SPSB1: variants seen among roughly 807,000 people sequenced by gnomAD.
SPSB1 encodes splA/ryanodine receptor domain and SOCS box containing 1, also known as SPRY domain-containing SOCS box protein 1.
SPSB1 carries 8 observed loss-of-function variants against 21.2 expected under a neutral mutation model. That is an observed-to-expected ratio of 0.38 (90% CI 0.22 to 0.68). The LOEUF (loss-of-function observed/expected upper bound fraction) is 0.68, where lower values mean the gene tolerates loss of function less well. Ranked by LOEUF, SPSB1 falls within the 30% of genes least tolerant of loss-of-function variation. The pLI is 0.53. For missense variants in SPSB1, 242 were observed against 377.8 expected (o/e 0.64, Z 2.98); for synonymous variants, 169 against 161.7 (o/e 1.05, Z -0.34).
intron 1 of SPSB1, among the ~76,000 whole-genome samples, chr1:9,320,435 C>G (rs540537655): frequency 6.6e-6 from 1 of 152,218 alleles, no homozygotes; most frequent in East Asian, 1.9e-4. Context: ...ATGGGGTGGC[C>G]CCATCTCCGC....
intron 1 of SPSB1, among the ~76,000 whole-genome samples, chr1:9,300,956 A>G (rs931677344): frequency 3.3e-5 from 5 of 152,220 alleles, no homozygotes; most frequent in African/African-American, 1.2e-4. Context: ...TGAAGGCACA[A>G]CCCGAAAGTG....
chr1:9,350,519 C>T (rs1388376062), intron 1 of SPSB1, among the ~76,000 whole-genome samples: 2 of 152,236 alleles, frequency 1.3e-5, no homozygotes, highest in Non-Finnish European at 2.9e-5. Flanking sequence ...CTCTGTCCTG[C>T]TTGTTAGTCT....
intron 1 of SPSB1, among the ~76,000 whole-genome samples, chr1:9,340,952 G>A (rs1468387932): frequency 6.6e-6 from 1 of 152,208 alleles, no homozygotes; most frequent in Non-Finnish European, 1.5e-5. Flanking sequence ...CAAAAGGCCA[G>A]TCCTGGGCTT....
At position 9,356,092 on chromosome 1, in the gene SPSB1, G is replaced by A. The variant is rs9435243; in HGVS notation, c.201G>A (p.Val67=). The change falls in exon 2 of 3, where the codon GTG becomes GTA. Residue 67 remains valine (V), a synonymous_variant. Coordinates refer to ENST00000328089, the MANE Select transcript of SPSB1 (RefSeq NM_025106.4). The surrounding 1 kb of genome is among the most constrained non-coding windows in gnomAD (Gnocchi z 7.4). ...ACGACCGATCGCTCAATGTCTTTGT[G>A]AAGGAGGACGACAAGCTCATCTTTC... The part of the protein sequence containing the change: ...NNNDRSLNVF[V]KEDDKLIFHR... 0.24 allele frequency: 386,246 copies of A among 1,608,818 alleles called. 48,245 individuals carry two copies. Among genetic ancestry groups the A allele is most frequent in the Admixed American group, 0.4 (23,794 of 59,718 alleles).
chr1:9,326,876 T>C (rs115560042), intron 1 of SPSB1, among the ~76,000 whole-genome samples: 92 of 152,338 alleles, frequency 6.0e-4, no homozygotes, highest in African/African-American at 2.0e-3. Context: ...CAGCAGGGTG[T>C]TTGCTGCCAA....
intron 1 of SPSB1, among the ~76,000 whole-genome samples, chr1:9,351,862 T>C (rs1268592602): frequency 2.6e-5 from 4 of 152,208 alleles, no homozygotes; most frequent in Non-Finnish European, 5.9e-5. Context: ...GTGACTCAGA[T>C]GGCAGAAGTG....
rs1386421117 is a variant in SPSB1, at chr1:9,324,028, C to T, written c.-150+30957C>T. 6.6e-6 allele frequency among the ~76,000 whole-genome samples: 1 copy of T among 152,220 alleles called. No homozygotes were observed. The highest frequency in any genetic ancestry group is 2.4e-5 in the African/African-American group (1 of 41,466). On this transcript the variant is annotated intron_variant, in intron 1 of 2. Coordinates refer to ENST00000328089, the MANE Select transcript of SPSB1 (RefSeq NM_025106.4). This position sits in a 1 kb window ranked among gnomAD's most constrained non-coding sequence, Gnocchi z 4.3. ...ACAGCTGTCCTTGATGGCCCAAACT[C>T]GGGCCGCAGAACCCCTCCTCAGGCC... is the stretch of plus-strand genomic sequence containing the variant.
intron 1 of SPSB1, among the ~76,000 whole-genome samples, chr1:9,306,227 C>T (rs568443919): frequency 3.9e-5 from 6 of 152,302 alleles, no homozygotes; most frequent in East Asian, 3.9e-4. Context: ...TCGGGTGTGC[C>T]GAGGGATGGC....
chr1:9,301,307 A>G (rs930841225), intron 1 of SPSB1, among the ~76,000 whole-genome samples: 1 of 152,172 alleles, frequency 6.6e-6, no homozygotes, highest in Non-Finnish European at 1.5e-5. Context: ...CCTGAGCAAC[A>G]TAGTGAGACT....
In SPSB1 at chr1:9,324,981, A is replaced by G. The variant is rs9308445; in HGVS notation, c.-149-30762A>G. Among the ~76,000 whole-genome samples the G allele has an allele frequency of 1.1e-4, 16 of 152,174 alleles. No homozygotes were observed. Among genetic ancestry groups the G allele is most frequent in the African/African-American group, 3.9e-4 (16 of 41,490 alleles). On this transcript the variant is annotated intron_variant, in intron 1 of 2. Transcript: ENST00000328089. This position sits in a 1 kb window ranked among gnomAD's most constrained non-coding sequence, Gnocchi z 4.3. ...GATCGGAGGCGCCTGTGAGCGGGTCAGTACTGGGTAGGCAGCCCCATTGGG... is the reference window on the plus strand; with the variant it reads ...GATCGGAGGCGCCTGTGAGCGGGTCGGTACTGGGTAGGCAGCCCCATTGGG...
At chr1:9,351,504 G>C (rs1569643990) in intron 1 of SPSB1, 1 of 152,356 alleles carries the variant, frequency 6.6e-6, no homozygotes, top group South Asian at 2.1e-4. Context: ...GCTTGGAGAA[G>C]CTCAGGGTGG....
chr1:9,306,533 G>A (rs191632230), intron 1 of SPSB1, among the ~76,000 whole-genome samples: 38 of 152,292 alleles, frequency 2.5e-4, no homozygotes, highest in Admixed American at 2.0e-3. Context: ...TCGTCATAAT[G>A]TCCGTGATAC....
chr1:9,295,059 C>A (rs1639194774), intron 1 of SPSB1, among the ~76,000 whole-genome samples: 1 of 152,204 alleles, frequency 6.6e-6, no homozygotes, highest in South Asian at 2.1e-4. Flanking sequence ...CTGTCCCCAG[C>A]ACTGAGGTCA....
intron 1 of SPSB1, among the ~76,000 whole-genome samples, chr1:9,325,221 C>CGCT (rs1639796380): frequency 3.6e-5 from 1 of 27,526 alleles, no homozygotes; most frequent in Admixed American, 4.0e-4. Context: ...TGCCTCCCAC[C>CGCT]ACCACCCCCC....
At chr1:9,349,016 C>T (rs149677145) in intron 1 of SPSB1, among the ~76,000 whole-genome samples, 5 of 152,142 alleles carry the variant, frequency 3.3e-5, no homozygotes, top group East Asian at 1.9e-4. Flanking sequence ...GGGTATTCCT[C>T]CCACTGGGAG....
chr1:9,329,432 G>A lies in SPSB1; in HGVS notation c.-149-26311G>A, dbSNP rs144162677. Among the ~76,000 whole-genome samples the A allele has an allele frequency of 3.4e-3, 523 of 152,190 alleles. 3 individuals carry two copies. The highest frequency in any genetic ancestry group is 0.012 in the African/African-American group (504 of 41,514). Reference sequence around the variant, plus strand: ...GTGGGTAGGTCAGGTGAGAGGATCCGAGGAAGGGAGTAGGGAAGAGAGCCT... The same window carrying A: ...GTGGGTAGGTCAGGTGAGAGGATCCAAGGAAGGGAGTAGGGAAGAGAGCCT... On this transcript the variant is annotated intron_variant, in intron 1 of 2. Coordinates refer to ENST00000328089, the MANE Select transcript of SPSB1 (RefSeq NM_025106.4).
Position 9,345,665 on chromosome 1 carries a change from G to C in SPSB1, c.-149-10078G>C, listed in dbSNP as rs1212468420. Among the ~76,000 whole-genome samples, 1 of 152,194 alleles carries C rather than the reference G, an allele frequency of 6.6e-6. No individual in the cohort carries two copies. The highest frequency in any genetic ancestry group is 1.9e-4 in the East Asian group (1 of 5,180). On this transcript the variant is annotated intron_variant, in intron 1 of 2. Coordinates refer to ENST00000328089, the MANE Select transcript of SPSB1 (RefSeq NM_025106.4). This position sits in a 1 kb window ranked among gnomAD's most constrained non-coding sequence, Gnocchi z 4.8. ...TCCCAGGCCATGGCTCCACTGATTC[G>C]AGCCCTCTGAAAGTGCTGTGAGTCA... is the stretch of plus-strand genomic sequence containing the variant.
rs1485543410 is a variant in SPSB1, at chr1:9,345,149, G to C, written c.-149-10594G>C. 1.3e-5 allele frequency among the ~76,000 whole-genome samples: 2 copies of C among 152,204 alleles called. No homozygotes were observed. The highest frequency in any genetic ancestry group is 2.9e-5 in the Non-Finnish European group (2 of 68,046). ...GCCCTTCCAGAGAACCAGCTTCTCT[G>C]CAGAGCCTCCTCCTGGGAGTCACTG... On this transcript the variant is annotated intron_variant, in intron 1 of 2. Transcript: ENST00000328089. The surrounding 1 kb of genome is among the most constrained non-coding windows in gnomAD (Gnocchi z 4.8).
intron 1 of SPSB1, among the ~76,000 whole-genome samples, chr1:9,347,207 C>T (rs1640178640): frequency 6.6e-6 from 1 of 152,238 alleles, no homozygotes; most frequent in Non-Finnish European, 1.5e-5. Flanking sequence ...GGATCCTTAA[C>T]ACGTACCTTC....
Sources: gnomAD v4.1 joint callset for allele counts (sites outside exome capture counted in the v4.1 genomes callset) on GRCh38, gnomAD v4.1.1 for gene constraint, Gnocchi (gnomAD v3.1) non-coding constraint, MANE v1.5 for transcripts, NCBI Gene and HGNC (gene_info 2026-07-23, HGNC 2026-07-21) for gene names.